The following CPSF2 variants were observed in gnomAD, a reference collection of about 807,000 sequenced individuals.
The protein encoded by CPSF2 is cleavage and polyadenylation specificity factor subunit 2.
CPSF2 carries 51 observed loss-of-function variants against 84.2 expected under a neutral mutation model. That is an observed-to-expected ratio of 0.61 (90% CI 0.48 to 0.77). CPSF2 has a LOEUF of 0.77. Ranked by LOEUF, CPSF2 falls within the 30% of genes least tolerant of loss-of-function variation. CPSF2 has a pLI of 0.00. For missense variants in CPSF2, 641 were observed against 929.4 expected (o/e 0.69, Z 4.03); for synonymous variants, 286 against 311.9 (o/e 0.92, Z 0.87).
chr14:92,140,230 G>A (rs905454796), intron 7 of CPSF2, among the ~76,000 whole-genome samples: 1 of 151,868 alleles, frequency 6.6e-6, no homozygotes, highest in Admixed American at 6.6e-5. Flanking sequence ...GGGATTACAG[G>A]CGTGAGCCAC....
rs1222356571 is a variant in CPSF2, at chr14:92,170,382, A to G, written c.*8638A>G. The G allele has an allele frequency of 6.6e-6, 1 of 152,236 alleles. No homozygotes were observed. Among genetic ancestry groups the G allele is most frequent in the Non-Finnish European group, 1.5e-5 (1 of 68,028 alleles). 9.4% of individuals were successfully genotyped at this position (152,236 alleles called of 1,614,324 possible). ...GTTGCAATTGTGATGTCCCATTAGT[A>G]CTAAATACTTAAGTGTATACTTTTT... On this transcript the variant is annotated 3_prime_UTR_variant, in exon 16 of 16. Transcript: ENST00000298875.
chr14:92,166,605 G>A lies in CPSF2; in HGVS notation c.*4861G>A, dbSNP rs1447516121. On this transcript the variant is annotated 3_prime_UTR_variant, in exon 16 of 16. Transcript: ENST00000298875. ...AGACTCAAACAATACTCCCACTTTGGCTGCCCAAAGTGCTGGGATTACAGG... is the reference window on the plus strand; with the variant it reads ...AGACTCAAACAATACTCCCACTTTGACTGCCCAAAGTGCTGGGATTACAGG... The A allele has an allele frequency of 6.6e-6, 1 of 152,082 alleles. No homozygotes were observed. The highest frequency in any genetic ancestry group is 1.5e-5 in the Non-Finnish European group (1 of 68,008). The allele number at this position is 152,082 out of a possible 1,614,324, so 9.4% of individuals were successfully genotyped here.
intron 9 of CPSF2, among the ~76,000 whole-genome samples, chr14:92,149,713 T>C (rs2069187110): frequency 6.6e-6 from 1 of 152,104 alleles, no homozygotes; most frequent in African/African-American, 2.4e-5. Context: ...TGGAGTGCAG[T>C]GGTACGATCT....
At chr14:92,124,354 G>A (rs2068819305) in intron 1 of CPSF2, among the ~76,000 whole-genome samples, 1 of 152,168 alleles carries the variant, frequency 6.6e-6, no homozygotes, top group Non-Finnish European at 1.5e-5. Context: ...AAAGGAAATG[G>A]GCAATCATTC....
chr14:92,133,066 G>C (rs1468508344), intron 3 of CPSF2, among the ~76,000 whole-genome samples: 1 of 151,796 alleles, frequency 6.6e-6, no homozygotes, highest in Non-Finnish European at 1.5e-5. Flanking sequence ...CTCCAGCCTG[G>C]GCAACAGAGC....
chr14:92,144,885 G>C (rs1371801435), intron 9 of CPSF2, among the ~76,000 whole-genome samples: 1 of 152,128 alleles, frequency 6.6e-6, no homozygotes, highest in Non-Finnish European at 1.5e-5. Context: ...CAAACTTAAT[G>C]TAGAAGTCAA....
intron 9 of CPSF2, among the ~76,000 whole-genome samples, chr14:92,150,035 A>G (rs2141473532): frequency 6.6e-6 from 1 of 152,262 alleles, no homozygotes; most frequent in African/African-American, 2.4e-5. Context: ...CTAAAGTACA[A>G]TGGCTATCTC....
Position 92,157,591 on chromosome 14 carries a change from C to A in CPSF2, c.1596-68C>A. ...AAATCCTAGTGTTATATATTGTATA[C>A]ATGATAAAAGCCATTTTTTTTTAGA... On this transcript the variant is annotated intron_variant, in intron 12 of 15. Coordinates refer to ENST00000298875, the MANE Select transcript of CPSF2 (RefSeq NM_017437.3). The surrounding 1 kb of genome is among the most constrained non-coding windows in gnomAD (Gnocchi z 4.0). 1 of 1,032,932 alleles carries A rather than the reference C, an allele frequency of 9.7e-7. No homozygotes were observed. The highest frequency in any genetic ancestry group is 1.5e-6 in the Non-Finnish European group (1 of 685,818). 64.0% of individuals were successfully genotyped at this position (1,032,932 alleles called of 1,614,324 possible). A position where few individuals can be genotyped will look rare whatever the true frequency, so the allele number is the denominator to read the frequency against.
At chr14:92,159,340 C>T (rs190498630) in intron 14 of CPSF2, 58 bp downstream of exon 14, 2 of 1,435,002 alleles carry the variant, frequency 1.4e-6, no homozygotes, top group East Asian at 4.6e-5. Flanking sequence ...TTCTAGTTTT[C>T]ATGTCTTTTG....
At chr14:92,148,852 A>G (rs1417620662) in intron 9 of CPSF2, among the ~76,000 whole-genome samples, 3 of 151,950 alleles carry the variant, frequency 2.0e-5, no homozygotes, top group African/African-American at 7.2e-5. Context: ...TGTATTCCAC[A>G]TACCCTGAGA....
chr14:92,131,641 C>T (rs2068932439), intron 3 of CPSF2, among the ~76,000 whole-genome samples: 1 of 152,026 alleles, frequency 6.6e-6, no homozygotes. Flanking sequence ...GAGTTCGAGA[C>T]CAGCCTGGCC....
Position 92,122,084 on chromosome 14 carries a change from G to C in CPSF2, c.-138G>C. The C allele has an allele frequency of 2.1e-6, 1 of 480,274 alleles. No individual in the cohort carries two copies. The highest frequency in any genetic ancestry group is 3.8e-6 in the Non-Finnish European group (1 of 263,538). 29.8% of individuals were successfully genotyped at this position (480,274 alleles called of 1,614,324 possible). A position where few individuals can be genotyped will look rare whatever the true frequency, so the allele number is the denominator to read the frequency against. On this transcript the variant is annotated 5_prime_UTR_variant, in exon 1 of 16. Coordinates refer to ENST00000298875, the MANE Select transcript of CPSF2 (RefSeq NM_017437.3). ...TACGTCTTGAACCTGGATTCGCCTA[G>C]GGGTTGGGAAGGGCTGTGGACGGCG... is the stretch of plus-strand genomic sequence containing the variant.
At chr14:92,136,661 CTCT>C (rs1030631621) in intron 6 of CPSF2, among the ~76,000 whole-genome samples, 22 of 152,190 alleles carry the variant, frequency 1.4e-4, no homozygotes, top group Admixed American at 4.6e-4. Context: ...GCAGGGAGCT[CTCT>C]TCTTCTTCTC....
intron 7 of CPSF2, among the ~76,000 whole-genome samples, chr14:92,141,810 T>A (rs2069082032): frequency 6.6e-6 from 1 of 152,186 alleles, no homozygotes; most frequent in Admixed American, 6.5e-5. Context: ...GAGACCAGGG[T>A]AGCCCGGAAA....
chr14:92,171,476 C>T lies in CPSF2; in HGVS notation c.*9732C>T, dbSNP rs533934514. On this transcript the variant is annotated 3_prime_UTR_variant, in exon 16 of 16. Transcript: ENST00000298875. ...GCTCCTGTGTCCTTTGGACATACCC[C>T]ATGGTTCATTGAGCACTTCCTTGCT... The T allele has an allele frequency of 6.6e-6, 1 of 152,152 alleles. No individual in the cohort carries two copies. The highest frequency in any genetic ancestry group is 1.5e-5 in the Non-Finnish European group (1 of 68,042). The allele number at this position is 152,152 out of a possible 1,614,324, so 9.4% of individuals were successfully genotyped here.
intron 14 of CPSF2, 52 bp from the exon 15 acceptor site, chr14:92,161,060 T>C (rs766283373): frequency 5.9e-5 from 93 of 1,564,076 alleles, no homozygotes; most frequent in Non-Finnish European, 6.1e-6. Context: ...AGTACAGTTG[T>C]ATGTCTGGTG....
At position 92,164,048 on chromosome 14, in the gene CPSF2, T is replaced by A. The variant is rs1469276161; in HGVS notation, c.*2304T>A. The stretch of plus-strand genomic sequence containing the variant: ...CCTGGCCCAAGATCTGATGGTTTTG[T>A]AAGGGAATTTTCCCCCTTTGCTTGG... On this transcript the variant is annotated 3_prime_UTR_variant, in exon 16 of 16. Transcript: ENST00000298875. 1 of 152,570 alleles carries A rather than the reference T, an allele frequency of 6.6e-6. No homozygotes were observed. The highest frequency in any genetic ancestry group is 1.5e-5 in the Non-Finnish European group (1 of 68,338). The allele number at this position is 152,570 out of a possible 1,614,324, so 9.5% of individuals were successfully genotyped here. A position where few individuals can be genotyped will look rare whatever the true frequency, so the allele number is the denominator to read the frequency against.
Position 92,157,273 on chromosome 14 carries a change from C to T in CPSF2, c.1596-386C>T, listed in dbSNP as rs533956835. Among the ~76,000 whole-genome samples, 26 of 152,128 alleles carry T rather than the reference C, an allele frequency of 1.7e-4. No homozygotes were observed. The highest frequency in any genetic ancestry group is 6.0e-4 in the African/African-American group (25 of 41,486). ...CTGTAATCCCAGCACTTTGGTAGGC[C>T]GAGATAGGCTGATCACTCGAGATCA... On this transcript the variant is annotated intron_variant, in intron 12 of 15. Transcript: ENST00000298875. This position sits in a 1 kb window ranked among gnomAD's most constrained non-coding sequence, Gnocchi z 4.0.
intron 9 of CPSF2, among the ~76,000 whole-genome samples, chr14:92,147,501 A>C (rs1298526511): frequency 6.6e-6 from 1 of 152,210 alleles, no homozygotes; most frequent in Non-Finnish European, 1.5e-5. Flanking sequence ...ATTTTAAATG[A>C]AAAATAAGAT....
Sources: allele counts gnomAD v4.1 joint callset (sites outside exome capture counted in the v4.1 genomes callset), GRCh38; gene constraint gnomAD v4.1.1; non-coding constraint Gnocchi (gnomAD v3.1); transcripts MANE v1.5; gene names NCBI Gene and HGNC (gene_info 2026-07-23, HGNC 2026-07-21).